The following C1QTNF3 variants were observed in gnomAD, a reference collection of about 807,000 sequenced individuals.
The protein encoded by C1QTNF3 is C1q and TNF related 3, also known as complement C1q tumor necrosis factor-related protein 3.
In C1QTNF3, 26 loss-of-function variants were observed where a neutral mutation model predicts 32.6. That is an observed-to-expected ratio of 0.80 (90% CI 0.58 to 1.11). The LOEUF (loss-of-function observed/expected upper bound fraction) is 1.11, where lower values mean the gene tolerates loss of function less well. Among genes scored for constraint, C1QTNF3 ranks in the 50% least tolerant of loss-of-function variants. C1QTNF3 has a pLI of 0.00. For missense variants in C1QTNF3, 362 were observed against 398.2 expected (o/e 0.91, Z 0.77); for synonymous variants, 155 against 146.0 (o/e 1.06, Z -0.44).
At chr5:34,095,480 CTCATG>C in the C1QTNF3 span, among the ~76,000 whole-genome samples, 2 of 147,574 alleles carry the variant, frequency 1.4e-5, no homozygotes, top group Non-Finnish European at 3.0e-5. Context: ...TCCAAGAATC[CTCATG>C]GTCTATCTTA....
chr5:34,239,441 G>A, the C1QTNF3 span: 3 of 152,164 alleles, frequency 2.0e-5, no homozygotes, highest in African/African-American at 7.2e-5. Flanking sequence ...TAAGGGGACG[G>A]AGAAAATCTG....
the C1QTNF3 span, among the ~76,000 whole-genome samples, chr5:34,211,445 G>A: frequency 2.6e-5 from 4 of 151,646 alleles, no homozygotes; most frequent in Non-Finnish European, 5.9e-5. Flanking sequence ...CAGTGTGCAG[G>A]TTAGTTACAT....
At chr5:34,231,558 G>C in the C1QTNF3 span, among the ~76,000 whole-genome samples, 1 of 152,150 alleles carries the variant, frequency 6.6e-6, no homozygotes, top group African/African-American at 2.4e-5. Context: ...GTGTGTATTT[G>C]TATCTGTGTA....
the C1QTNF3 span, chr5:34,168,852 T>C: frequency 2.0e-5 from 3 of 152,208 alleles, no homozygotes; most frequent in East Asian, 1.9e-4. Context: ...TACCAGTTGC[T>C]ATGGTTTGAA....
At chr5:34,173,837 A>G in the C1QTNF3 span, among the ~76,000 whole-genome samples, 1 of 150,518 alleles carries the variant, frequency 6.6e-6, no homozygotes, top group Non-Finnish European at 1.5e-5. Context: ...TCCTTATTTC[A>G]GAGGATAGAA....
the C1QTNF3 span, among the ~76,000 whole-genome samples, chr5:34,224,913 G>A: frequency 6.6e-6 from 1 of 151,866 alleles, no homozygotes; most frequent in African/African-American, 2.4e-5. Context: ...TCTGACAAAG[G>A]GCTAACATCC....
chr5:34,119,440 C>T, the C1QTNF3 span, among the ~76,000 whole-genome samples: 2 of 152,248 alleles, frequency 1.3e-5, no homozygotes, highest in Middle Eastern at 3.4e-3. Context: ...CACAAGCAAC[C>T]GTCTCTCTAT....
At chr5:34,171,437 C>G in the C1QTNF3 span, among the ~76,000 whole-genome samples, 1 of 151,958 alleles carries the variant, frequency 6.6e-6, no homozygotes, top group Admixed American at 6.6e-5. Context: ...AGTGAAATGT[C>G]TAATTTCCCC....
chr5:34,209,778 C>A, the C1QTNF3 span, among the ~76,000 whole-genome samples: 3 of 151,986 alleles, frequency 2.0e-5, no homozygotes, highest in Non-Finnish European at 2.9e-5. Flanking sequence ...ATATGTAATA[C>A]AAGAAATATG....
At chr5:34,117,162 A>T in the C1QTNF3 span, among the ~76,000 whole-genome samples, 2 of 151,916 alleles carry the variant, frequency 1.3e-5, no homozygotes, top group Non-Finnish European at 2.9e-5. Flanking sequence ...CTCTTTCTAT[A>T]TCCTTCATGT....
At chr5:34,223,330 C>T in the C1QTNF3 span, among the ~76,000 whole-genome samples, 1 of 151,014 alleles carries the variant, frequency 6.6e-6, no homozygotes, top group Non-Finnish European at 1.5e-5. Flanking sequence ...TCATCCATGT[C>T]CCTACAAAGG....
chr5:34,102,169 G>T, the C1QTNF3 span, among the ~76,000 whole-genome samples: 3 of 151,676 alleles, frequency 2.0e-5, no homozygotes, highest in Non-Finnish European at 2.9e-5. Flanking sequence ...GAAAATCTCA[G>T]TGTTTCCTCA....
the C1QTNF3 span, among the ~76,000 whole-genome samples, chr5:34,128,692 T>C: frequency 5.3e-5 from 8 of 152,322 alleles, no homozygotes; most frequent in East Asian, 3.9e-4. Flanking sequence ...ATGGGGCCCA[T>C]AGCCCCTTTG....
the C1QTNF3 span, among the ~76,000 whole-genome samples, chr5:34,130,768 C>T: frequency 1.3e-5 from 2 of 152,236 alleles, no homozygotes; most frequent in African/African-American, 2.4e-5. Context: ...TTCAACATAT[C>T]AACAGAGGTA....
At chr5:34,174,672 TG>T in the C1QTNF3 span, among the ~76,000 whole-genome samples, 1 of 152,208 alleles carries the variant, frequency 6.6e-6, no homozygotes, top group Non-Finnish European at 1.5e-5. Flanking sequence ...TAAGAAGGAA[TG>T]GGAAACATTC....
At chr5:34,210,852 T>A in the C1QTNF3 span, among the ~76,000 whole-genome samples, 4 of 152,122 alleles carry the variant, frequency 2.6e-5, no homozygotes, top group Non-Finnish European at 5.9e-5. Context: ...TTATATGGAT[T>A]CATAGGTTAC....
the C1QTNF3 span, chr5:34,166,678 G>T: frequency 6.6e-6 from 1 of 152,026 alleles, no homozygotes; most frequent in Admixed American, 6.6e-5. Context: ...CCAAAATAAA[G>T]ATTCCCATAT....
At chr5:34,090,005 T>C in the C1QTNF3 span, among the ~76,000 whole-genome samples, 4 of 152,258 alleles carry the variant, frequency 2.6e-5, no homozygotes, top group Non-Finnish European at 5.9e-5. Context: ...ATCATAGCTC[T>C]ATTTCCTTAT....
chr5:34,073,656 C>G, the C1QTNF3 span, among the ~76,000 whole-genome samples: 1 of 152,140 alleles, frequency 6.6e-6, no homozygotes, highest in South Asian at 2.1e-4. Flanking sequence ...TTGGCAATTG[C>G]AGCCTGATTA....
Sources: gnomAD v4.1 joint callset for allele counts (sites outside exome capture counted in the v4.1 genomes callset) on GRCh38, gnomAD v4.1.1 for gene constraint, MANE v1.5 for transcripts, NCBI Gene and HGNC (gene_info 2026-07-23, HGNC 2026-07-21) for gene names.